Variants in TRIOBP observed in about 807,000 individuals in gnomAD.
TRIOBP encodes TRIO and F-actin-binding protein.
Under a neutral mutation model 238.8 loss-of-function variants are expected in TRIOBP, and 169 were observed. The observed-to-expected ratio is 0.71, with a 90% CI of 0.62 to 0.80. TRIOBP has a LOEUF of 0.80. Among genes scored for constraint, TRIOBP ranks in the 30% least tolerant of loss-of-function variants. The pLI, the probability that TRIOBP is intolerant of heterozygous loss-of-function variation, is 0.00. For synonymous variants in TRIOBP, 1,150 were observed against 1,274.4 expected, an observed-to-expected ratio of 0.90 and a Z score of 2.08; for missense variants, 2,838 against 3,122.6, an observed-to-expected ratio of 0.91 and a Z score of 2.17.
chr22:37,697,878 C>T (rs1922429259), intron 2 of TRIOBP, among the ~76,000 whole-genome samples, 182 bp downstream of exon 2: 1 of 152,054 alleles, frequency 6.6e-6, no homozygotes, highest in Non-Finnish European at 1.5e-5. Context: ...CTTAGGGGCA[C>T]CCAGAAAGGA....
Position 37,715,746 on chromosome 22 carries a change from C to G in TRIOBP, c.457-17C>G. On this transcript the variant is annotated splice_polypyrimidine_tract_variant and intron_variant, in intron 5 of 23. Transcript: ENST00000644935. ...TTTTCTCCCGCAAACATACTTTCTC[C>G]TCCCCTTCTCTGGCAGGACTGGGAC... 6.2e-7 allele frequency: 1 copy of G among 1,613,344 alleles called. No individual in the cohort carries two copies. The highest frequency in any genetic ancestry group is 8.5e-7 in the Non-Finnish European group (1 of 1,179,844).
intron 16 of TRIOBP, 136 bp downstream of exon 16, chr22:37,758,274 C>T: frequency 8.8e-7 from 1 of 1,135,524 alleles, no homozygotes; most frequent in Non-Finnish European, 1.3e-6. Flanking sequence ...AGTGTGCACC[C>T]CACACTCCTG....
chr22:37,772,662 C>T lies in TRIOBP; in HGVS notation c.6998C>T (p.Thr2333Ile), dbSNP rs759941661. ...DVYVELSHIK[T>I]RSEREIEQLK... The stretch of plus-strand genomic sequence containing the variant: ...TATGTGGAGCTGAGCCACATCAAGA[C>T]ACGGTCTGAGCGGGAGATCGAGCAG... The change falls in exon 23 of 24, where the codon ACA becomes ATA. Residue 2333 changes from threonine to isoleucine, a missense_variant. Physicochemically the swap from Thr to Ile is moderately conservative, Grantham distance 89. This residue lies in a region of TRIOBP where 2,096 missense variants were observed against 2,137.4 expected (regional missense o/e 0.98). Transcript: ENST00000644935. 2.8e-5 allele frequency: 45 copies of T among 1,614,170 alleles called. No homozygotes were observed. Among genetic ancestry groups the T allele is most frequent in the Non-Finnish European group, 3.7e-5 (44 of 1,180,038 alleles).
chr22:37,743,735 A>G (rs1416815258), intron 11 of TRIOBP, among the ~76,000 whole-genome samples: 1 of 151,842 alleles, frequency 6.6e-6, no homozygotes, highest in African/African-American at 2.4e-5. Context: ...TTGGTCTGAG[A>G]CTTCAAGGAA....
chr22:37,750,024 A>T (rs547370456), intron 11 of TRIOBP, among the ~76,000 whole-genome samples: 1 of 152,144 alleles, frequency 6.6e-6, no homozygotes, highest in African/African-American at 2.4e-5. Flanking sequence ...CTGACATGGT[A>T]TGTGATGTGT....
Position 37,723,714 on chromosome 22 carries a change from C to T in TRIOBP, c.1158C>T (p.Asp386=), listed in dbSNP as rs116964444. The part of the protein sequence containing the change: ...ENPRTPCVQQ[D]DPRASSPNRT... ...CCAGGACACCCTGTGTCCAGCAGGA[C>T]GATCCCAGAGCCTCCTCTCCCAACA... is the stretch of plus-strand genomic sequence containing the variant. The change falls in exon 7 of 24, where the codon GAC becomes GAT. Residue 386 remains aspartate, a synonymous_variant. Transcript: ENST00000644935. The T allele has an allele frequency of 7.5e-3, 12,147 of 1,611,018 alleles. 64 individuals are homozygous for T. Among genetic ancestry groups the T allele is most frequent in the Middle Eastern group, 0.013 (76 of 6,044 alleles).
intron 12 of TRIOBP, among the ~76,000 whole-genome samples, 195 bp downstream of exon 12, chr22:37,752,023 C>T (rs937672062): frequency 7.9e-5 from 12 of 152,114 alleles, no homozygotes; most frequent in Non-Finnish European, 1.3e-4. Context: ...AGCAAGGGGC[C>T]GTCTAGCCCC....
In TRIOBP at chr22:37,724,891, A is replaced by G; in HGVS notation, c.2335A>G (p.Arg779Gly). The G allele has an allele frequency of 6.2e-7, 1 of 1,607,434 alleles. No homozygotes were observed. Among genetic ancestry groups the G allele is most frequent in the Non-Finnish European group, 8.5e-7 (1 of 1,178,264 alleles). Residue 779 changes from arginine (R) to glycine (G), a missense_variant, in exon 7 of 24, where the codon AGG (arginine) becomes GGG (glycine). By Grantham distance (125) the Arg-to-Gly change is moderately radical (BLOSUM62 -2). Transcript: ENST00000644935. The stretch of plus-strand genomic sequence containing the variant: ...ATCCTGTACCCGACAGGACAATCCC[A>G]GGACCTCCTCTCCCAATAGAGCCAC... ...RTSCTRQDNP[R>G]TSSPNRATRD...
At chr22:37,710,306 GA>G (rs1923168286) in intron 3 of TRIOBP, 120 bp from the exon 4 acceptor site, 1 of 1,450,786 alleles carries the variant, frequency 6.9e-7, no homozygotes, top group African/African-American at 1.4e-5. Context: ...AGCTCCTTGA[GA>G]AGTGCAGGAT....
At chr22:37,705,664 C>T (rs929288954) in intron 3 of TRIOBP, among the ~76,000 whole-genome samples, 6 of 151,672 alleles carry the variant, frequency 4.0e-5, no homozygotes, top group African/African-American at 1.5e-4. Context: ...CAACCTCTGC[C>T]TCCCAGGTTC....
At chr22:37,702,041 TGTG>T (rs1922678774) in intron 3 of TRIOBP, among the ~76,000 whole-genome samples, 1 of 151,836 alleles carries the variant, frequency 6.6e-6, no homozygotes. Flanking sequence ...AGGCGGAGAT[TGTG>T]GTGAGCCGAG....
At position 37,768,806 on chromosome 22, in the gene TRIOBP, TA is replaced by T. The variant is rs561787977; in HGVS notation, c.6576-207del. ...ACAAGAGTGAGAGCAAGACTCCATC[TA>T]AAAAAAAAAAAAAAGATGGGCTCCT... On this transcript the variant is annotated intron_variant, in intron 19 of 23. Coordinates refer to ENST00000644935, the MANE Select transcript of TRIOBP (RefSeq NM_001039141.3). 5.2e-3 allele frequency among the ~76,000 whole-genome samples: 683 copies of T among 132,352 alleles called. No homozygotes were observed. The highest frequency in any genetic ancestry group is 5.1e-3 in the Admixed American group (67 of 13,106). 86.8% of individuals were successfully genotyped at this position (132,352 alleles called of 152,430 possible). A position where few individuals can be genotyped will look rare whatever the true frequency, so the allele number is the denominator to read the frequency against.
At position 37,754,267 on chromosome 22, in the gene TRIOBP, T is replaced by C. The variant is rs1925788273; in HGVS notation, c.5380-610T>C. Among the ~76,000 whole-genome samples, 3 of 151,888 alleles carry C rather than the reference T, an allele frequency of 2.0e-5. 1 individual carries two copies. The highest frequency in any genetic ancestry group is 7.3e-5 in the African/African-American group (3 of 41,318). On this transcript the variant is annotated intron_variant, in intron 12 of 23. Coordinates refer to ENST00000644935, the MANE Select transcript of TRIOBP (RefSeq NM_001039141.3). ...TCTACTAAAAATACAAGAAATTAGCTGAGCATGATGGCGGGCGCCTGTAAT... is the reference window on the plus strand; with the variant it reads ...TCTACTAAAAATACAAGAAATTAGCCGAGCATGATGGCGGGCGCCTGTAAT...
intron 15 of TRIOBP, 83 bp downstream of exon 15, chr22:37,755,742 G>A (rs997002606): frequency 1.7e-6 from 2 of 1,179,792 alleles, no homozygotes; most frequent in Non-Finnish European, 2.5e-6. Flanking sequence ...TCACCTGAGG[G>A]CTGCACCTTT....
In TRIOBP at chr22:37,743,842, T is replaced by TGTGTGTGCGC. The variant is rs1433842741; in HGVS notation, c.5322+2813_5322+2814insTGTGCGCGTG. ...GTGTGTGTGTGTGTGTGTGTGTGTG[T>TGTGTGTGCGC]GTGCTGGGTGTGTGTGAGTGTGTGC... On this transcript the variant is annotated intron_variant, in intron 11 of 23. Transcript: ENST00000644935. Among the ~76,000 whole-genome samples, 4 of 115,266 alleles carry TGTGTGTGCGC rather than the reference T, an allele frequency of 3.5e-5. No individual in the cohort carries two copies. The South Asian group carries it at 1.2e-3, about 34-fold the overall frequency. The allele number at this position is 115,266 out of a possible 152,430, so 75.6% of individuals were successfully genotyped here. A position where few individuals can be genotyped will look rare whatever the true frequency, so the allele number is the denominator to read the frequency against.
Position 37,710,647 on chromosome 22 carries a change from GC to G in TRIOBP, c.254+82del, listed in dbSNP as rs2145819351. ...TTCCCATTTGCACTCCTTCCCCAAG[GC>G]AGCACCTGTCTCTAATGGCTGCTGG... On this transcript the variant is annotated intron_variant, in intron 4 of 23. Transcript: ENST00000644935. 5 of 1,520,436 alleles carry G rather than the reference GC, an allele frequency of 3.3e-6. No homozygotes were observed. The South Asian group carries it at 6.0e-5, about 18-fold the overall frequency. 94.2% of individuals were successfully genotyped at this position (1,520,436 alleles called of 1,614,324 possible). A position where few individuals can be genotyped will look rare whatever the true frequency, so the allele number is the denominator to read the frequency against.
At chr22:37,713,037 A>C (rs1335391517) in intron 4 of TRIOBP, among the ~76,000 whole-genome samples, 173 bp from the exon 5 acceptor site, 1 of 151,910 alleles carries the variant, frequency 6.6e-6, no homozygotes, top group Admixed American at 6.6e-5. Context: ...GTTTTAGCTC[A>C]ATGAGGCAAT....
chr22:37,768,071 C>T lies in TRIOBP; in HGVS notation c.6473-3C>T, dbSNP rs1248236271. The T allele has an allele frequency of 1.2e-6, 2 of 1,610,016 alleles. No individual in the cohort carries two copies. The highest frequency in any genetic ancestry group is 1.7e-6 in the Non-Finnish European group (2 of 1,178,072). On this transcript the variant is annotated splice_region_variant and splice_polypyrimidine_tract_variant and intron_variant, in intron 18 of 23. Transcript: ENST00000644935. ...CTCTTGTGCCTCTCTGCCCTGCTTC[C>T]AGCCATTGAAGCCATGAAGAAGGCC...
intron 15 of TRIOBP, among the ~76,000 whole-genome samples, chr22:37,756,820 T>C (rs1925950270): frequency 6.6e-6 from 1 of 152,220 alleles, no homozygotes; most frequent in South Asian, 2.1e-4. Flanking sequence ...GCCATAGTTG[T>C]TCAGAGTCTC....
Sources: allele counts gnomAD v4.1 joint callset (sites outside exome capture counted in the v4.1 genomes callset), GRCh38; gene constraint gnomAD v4.1.1; regional missense constraint gnomAD v4.1.1; transcripts MANE v1.5; gene names NCBI Gene and HGNC (gene_info 2026-07-23, HGNC 2026-07-21).